Variants in CACNA1E observed in about 807,000 individuals in gnomAD.
The protein encoded by CACNA1E is calcium voltage-gated channel subunit alpha1 E.
CACNA1E carries 40 observed loss-of-function variants against 259.2 expected under a neutral mutation model. The observed-to-expected ratio is 0.15, with a 90% CI of 0.12 to 0.20. CACNA1E has a LOEUF of 0.20. Among genes scored for constraint, CACNA1E ranks in the 10% least tolerant of loss-of-function variants. The pLI is 1.00. For synonymous variants in CACNA1E, 1,104 were observed against 1,138.5 expected, an observed-to-expected ratio of 0.97 and a Z score of 0.61; for missense variants, 1,874 against 3,040.1, an observed-to-expected ratio of 0.62 and a Z score of 9.02.
intron 7 of CACNA1E, among the ~76,000 whole-genome samples, chr1:181,701,683 G>C (rs565685718): frequency 2.6e-5 from 4 of 152,304 alleles, no homozygotes; most frequent in South Asian, 2.1e-4. Flanking sequence ...AAACAGAGAT[G>C]AAAGTGTGGT....
At position 181,804,346 on chromosome 1, in the gene CACNA1E, C is replaced by T. The variant is rs1242952819; in HGVS notation, c.*5512C>T. ...GGTTATAGTACCAGCTGTCTTTTCT[C>T]TCTGGTCTCCTTTTTGTCGTCTTTC... is the stretch of plus-strand genomic sequence containing the variant. On this transcript the variant is annotated 3_prime_UTR_variant, in exon 48 of 48. Transcript: ENST00000367573. 1 of 152,302 alleles carries T rather than the reference C, an allele frequency of 6.6e-6. No individual in the cohort carries two copies. Among genetic ancestry groups the T allele is most frequent in the South Asian group, 2.1e-4 (1 of 4,828 alleles). The allele number at this position is 152,302 out of a possible 1,614,324, so 9.4% of individuals were successfully genotyped here. A position where few individuals can be genotyped will look rare whatever the true frequency, so the allele number is the denominator to read the frequency against.
intron 6 of CACNA1E, among the ~76,000 whole-genome samples, chr1:181,634,481 T>G (rs1657025881): frequency 6.6e-6 from 1 of 152,230 alleles, no homozygotes; most frequent in Non-Finnish European, 1.5e-5. Context: ...TCATAACACA[T>G]TTCTTCTTGG....
Position 181,784,691 on chromosome 1 carries a change from A to G in CACNA1E, c.5501A>G (p.Glu1834Gly). Residue 1834 changes from glutamate (E) to glycine (G), a missense_variant, in exon 41 of 48, where the codon GAG becomes GGG. Glu to Gly is a moderately conservative substitution (Grantham distance 98). This residue lies in a region of CACNA1E where 147 missense variants were observed against 337.1 expected (regional missense o/e 0.44). Transcript: ENST00000367573. ...GGADRQQLDS[E>G]LQKETLAIWP... ...GCAGACAGGCAGCAGCTAGACTCAG[A>G]GCTACAAAAGGAGACCCTAGCCATC... The G allele has an allele frequency of 6.3e-7, 1 of 1,585,436 alleles. No homozygotes were observed.
chr1:181,624,724 T>G (rs1182093886), intron 6 of CACNA1E, among the ~76,000 whole-genome samples: 3 of 152,190 alleles, frequency 2.0e-5, no homozygotes, highest in Admixed American at 2.0e-4. Flanking sequence ...GGAGTCAACT[T>G]TGTTCAAATG....
intron 7 of CACNA1E, among the ~76,000 whole-genome samples, chr1:181,664,866 T>C (rs1648060494): frequency 6.6e-6 from 1 of 152,148 alleles, no homozygotes. Context: ...AATCAGTAAG[T>C]AGAACTATCA....
At chr1:181,429,106 T>C (rs1175289509) in intron 2 of CACNA1E, among the ~76,000 whole-genome samples, 1 of 152,078 alleles carries the variant, frequency 6.6e-6, no homozygotes, top group Non-Finnish European at 1.5e-5. Context: ...CGCTTGAACC[T>C]GGGAAGCAGA....
chr1:181,569,990 C>T (rs1650244481), intron 3 of CACNA1E, among the ~76,000 whole-genome samples: 1 of 152,148 alleles, frequency 6.6e-6, no homozygotes, highest in Non-Finnish European at 1.5e-5. Flanking sequence ...TTGGTGTGAG[C>T]TACAGAAGCA....
chr1:181,612,717 G>A (rs1257586403), intron 6 of CACNA1E, among the ~76,000 whole-genome samples: 3 of 152,222 alleles, frequency 2.0e-5, no homozygotes, highest in South Asian at 2.1e-4. Flanking sequence ...TATTCATAAC[G>A]GCTCTTTGCT....
upstream of CACNA1E, among the ~76,000 whole-genome samples, chr1:181,480,114 T>TA (rs922042784): frequency 2.2e-4 from 33 of 150,962 alleles, no homozygotes; most frequent in South Asian, 4.2e-4. Flanking sequence ...GTCGTCTCTA[T>TA]AAAAAAAAAT....
At chr1:181,588,674 C>T (rs1652332643) in intron 6 of CACNA1E, among the ~76,000 whole-genome samples, 1 of 152,216 alleles carries the variant, frequency 6.6e-6, no homozygotes, top group Admixed American at 6.5e-5. Flanking sequence ...CTGTGCATAG[C>T]CATTAGGCTG....
chr1:181,711,652 A>G (rs1315667404), intron 8 of CACNA1E, among the ~76,000 whole-genome samples: 1 of 152,246 alleles, frequency 6.6e-6, no homozygotes, highest in Non-Finnish European at 1.5e-5. Flanking sequence ...ATAGGAGGTC[A>G]GGGTGGGCCC....
chr1:181,439,427 C>CT (rs1295278839), intron 2 of CACNA1E, among the ~76,000 whole-genome samples: 104 of 111,144 alleles, frequency 9.4e-4, no homozygotes, highest in Non-Finnish European at 3.3e-4. Flanking sequence ...GAGCTAGACT[C>CT]TACCTTTTTT....
At chr1:181,340,196 T>C (rs1046843493) in intron 1 of CACNA1E, among the ~76,000 whole-genome samples, 33 of 152,064 alleles carry the variant, frequency 2.2e-4, no homozygotes, top group Non-Finnish European at 3.5e-4. Context: ...CTTGTCCCAA[T>C]ACTATTTATT....
intron 1 of CACNA1E, among the ~76,000 whole-genome samples, chr1:181,397,685 A>T (rs1656782961): frequency 6.6e-6 from 1 of 152,192 alleles, no homozygotes; most frequent in South Asian, 2.1e-4. Flanking sequence ...TATGGGCTAC[A>T]TCAGCGATGC....
intron 1 of CACNA1E, among the ~76,000 whole-genome samples, chr1:181,379,687 A>G (rs1655330535): frequency 6.6e-6 from 1 of 152,158 alleles, no homozygotes; most frequent in African/African-American, 2.4e-5. Context: ...GCTAATCCCA[A>G]TCATAAGGTC....
At chr1:181,321,148 G>C (rs910805939) in intron 1 of CACNA1E, among the ~76,000 whole-genome samples, 1 of 152,124 alleles carries the variant, frequency 6.6e-6, no homozygotes, top group Non-Finnish European at 1.5e-5. Flanking sequence ...ATTACCTCGA[G>C]GACGGTGCCA....
At chr1:181,413,050 C>T (rs1657979262) in intron 1 of CACNA1E, 1 of 153,204 alleles carries the variant, frequency 6.5e-6, no homozygotes, top group South Asian at 2.1e-4. Flanking sequence ...TCTTTCTCTT[C>T]TCTATTTCCC....
chr1:181,784,863 A>G, intron 41 of CACNA1E, 95 bp downstream of exon 41: 1 of 734,468 alleles, frequency 1.4e-6, no homozygotes, highest in Admixed American at 2.7e-5. Flanking sequence ...AGAGATAAGG[A>G]AAGTTTGCCC....
chr1:181,339,909 C>T (rs1194966798), intron 1 of CACNA1E, among the ~76,000 whole-genome samples: 1 of 151,940 alleles, frequency 6.6e-6, no homozygotes, highest in Non-Finnish European at 1.5e-5. Flanking sequence ...AAATGTTTTC[C>T]TAGTTTGTAG....
Sources: gnomAD v4.1 joint callset for allele counts (sites outside exome capture counted in the v4.1 genomes callset) on GRCh38, gnomAD v4.1.1 for gene constraint, gnomAD v4.1.1 regional missense constraint, MANE v1.5 for transcripts, NCBI Gene and HGNC (gene_info 2026-07-23, HGNC 2026-07-21) for gene names.